DLG2: variants seen among roughly 807,000 people sequenced by gnomAD.
DLG2 encodes discs large MAGUK scaffold protein 2.
In DLG2, 45 loss-of-function variants were observed where a neutral mutation model predicts 132.5. That is an observed-to-expected ratio of 0.34 (90% CI 0.27 to 0.44). DLG2 has a LOEUF of 0.44. Ranked by LOEUF, DLG2 falls within the 20% of genes least tolerant of loss-of-function variation. The pLI, the probability that DLG2 is intolerant of heterozygous loss-of-function variation, is 1.00. For synonymous variants in DLG2, 424 were observed against 419.6 expected, an observed-to-expected ratio of 1.01 and a Z score of -0.13; for missense variants, 1,045 against 1,196.9, an observed-to-expected ratio of 0.87 and a Z score of 1.87.
chr11:84,727,688 C>A (rs573692831), intron 6 of DLG2, among the ~76,000 whole-genome samples: 3 of 152,162 alleles, frequency 2.0e-5, no homozygotes, highest in East Asian at 3.9e-4. Context: ...TTACTTTGGG[C>A]AGTATGGCCA....
At chr11:85,207,619 T>G (rs2081983615) in intron 4 of DLG2, among the ~76,000 whole-genome samples, 1 of 152,160 alleles carries the variant, frequency 6.6e-6, no homozygotes, top group Non-Finnish European at 1.5e-5. Context: ...AAATTTTATT[T>G]AAATGAGTCA....
intron 18 of DLG2, among the ~76,000 whole-genome samples, chr11:83,749,580 AG>A (rs1440665818): frequency 1.3e-5 from 2 of 152,012 alleles, no homozygotes; most frequent in Non-Finnish European, 2.9e-5. Flanking sequence ...GCCCCCACCC[AG>A]CAGCTGTATT....
At chr11:85,134,278 A>T (rs1178734634) in intron 5 of DLG2, among the ~76,000 whole-genome samples, 3 of 151,106 alleles carry the variant, frequency 2.0e-5, no homozygotes. Context: ...CATAAAAAGT[A>T]TACTTTCTTG....
intron 6 of DLG2, chr11:84,762,224 T>G (rs1445257478): frequency 1.3e-5 from 2 of 152,198 alleles, no homozygotes; most frequent in Non-Finnish European, 2.9e-5. Context: ...TTATTACACT[T>G]GCCAACTGTC....
At chr11:84,770,613 C>T (rs2069167546) in intron 6 of DLG2, among the ~76,000 whole-genome samples, 1 of 151,616 alleles carries the variant, frequency 6.6e-6, no homozygotes, top group Admixed American at 6.6e-5. Context: ...CCAACTGCAT[C>T]CACGTTGCTG....
chr11:83,562,506 A>C (rs2096629300), intron 19 of DLG2, among the ~76,000 whole-genome samples: 1 of 152,088 alleles, frequency 6.6e-6, no homozygotes, highest in Non-Finnish European at 1.5e-5. Flanking sequence ...TCTGGAAAGA[A>C]CTCTGAGATA....
chr11:83,835,886 A>G (rs1352886508), intron 16 of DLG2, among the ~76,000 whole-genome samples: 1 of 152,164 alleles, frequency 6.6e-6, no homozygotes, highest in Admixed American at 6.5e-5. Context: ...CTTCAGAGAA[A>G]GCCAACATGA....
At position 83,456,084 on chromosome 11, in the gene DLG2, C is replaced by G. The variant is rs1373452963; in HGVS notation, c.*3734G>C. On this transcript the variant is annotated 3_prime_UTR_variant, in exon 28 of 28. Transcript: ENST00000376104. ...GGGAAAAAAATGTCTCTCTCCAAAC[C>G]AAGGTGATGGCATGGCTTCAATGAG... 3 of 152,664 alleles carry G rather than the reference C, an allele frequency of 2.0e-5. No individual in the cohort carries two copies. Among genetic ancestry groups the G allele is most frequent in the African/African-American group, 7.2e-5 (3 of 41,444 alleles). The allele number at this position is 152,664 out of a possible 1,614,324, so 9.5% of individuals were successfully genotyped here.
At chr11:85,272,465 T>C (rs542424216) in intron 4 of DLG2, among the ~76,000 whole-genome samples, 1 of 152,282 alleles carries the variant, frequency 6.6e-6, no homozygotes, top group Admixed American at 6.5e-5. Context: ...CAGGCAGAAA[T>C]GGTGTGGCAG....
intron 6 of DLG2, among the ~76,000 whole-genome samples, chr11:84,553,526 T>A (rs1423893863): frequency 1.3e-5 from 2 of 152,176 alleles, no homozygotes; most frequent in African/African-American, 4.8e-5. Flanking sequence ...TTTGGCCGTA[T>A]AAAGGAGCAG....
chr11:83,746,475 G>A (rs1275258804), intron 18 of DLG2, among the ~76,000 whole-genome samples: 1 of 151,942 alleles, frequency 6.6e-6, no homozygotes, highest in Non-Finnish European at 1.5e-5. Flanking sequence ...ACCATTGCAA[G>A]GACAAAAAAC....
upstream of DLG2, among the ~76,000 whole-genome samples, chr11:85,628,243 G>A (rs1484026904): frequency 6.6e-6 from 1 of 152,226 alleles, no homozygotes; most frequent in Admixed American, 6.5e-5. Flanking sequence ...AAAGGGGCAG[G>A]CAGCTAGTTC....
chr11:83,815,774 G>T (rs1434503788), intron 17 of DLG2, among the ~76,000 whole-genome samples: 4 of 152,146 alleles, frequency 2.6e-5, no homozygotes, highest in African/African-American at 7.2e-5. Context: ...CTGCACACAG[G>T]CCTCATGGGG....
chr11:84,816,546 ATTTT>A (rs896048050), intron 6 of DLG2, among the ~76,000 whole-genome samples: 8 of 151,912 alleles, frequency 5.3e-5, no homozygotes, highest in African/African-American at 1.9e-4. Context: ...GGCAGCTACT[ATTTT>A]TGAGCATTTA....
At chr11:84,849,884 G>T (rs1181530956) in intron 6 of DLG2, among the ~76,000 whole-genome samples, 2 of 152,010 alleles carry the variant, frequency 1.3e-5, no homozygotes, top group African/African-American at 4.8e-5. Context: ...GCATGTAGTT[G>T]GCAGTAACAT....
At chr11:85,054,737 T>G (rs1314370568) in intron 6 of DLG2, among the ~76,000 whole-genome samples, 1 of 152,188 alleles carries the variant, frequency 6.6e-6, no homozygotes, top group Non-Finnish European at 1.5e-5. Flanking sequence ...CTAGAGACCA[T>G]TATCCTAAGT....
At chr11:84,288,680 C>T (rs372287091) in intron 7 of DLG2, among the ~76,000 whole-genome samples, 1 of 151,952 alleles carries the variant, frequency 6.6e-6, no homozygotes, top group Non-Finnish European at 1.5e-5. Context: ...ACAGAAAAAC[C>T]CCTAAATGAA....
At chr11:83,594,609 A>G (rs888182171) in intron 19 of DLG2, among the ~76,000 whole-genome samples, 10 of 152,180 alleles carry the variant, frequency 6.6e-5, no homozygotes, top group Non-Finnish European at 1.5e-5. Context: ...ACTATCTAAG[A>G]ATAGAGGTTG....
At chr11:85,468,851 T>A (rs868812210) in intron 3 of DLG2, among the ~76,000 whole-genome samples, 1 of 152,002 alleles carries the variant, frequency 6.6e-6, no homozygotes, top group South Asian at 2.1e-4. Flanking sequence ...AGAGATGGAG[T>A]CTCACCACAT....
Sources: gnomAD v4.1 joint callset for allele counts (sites outside exome capture counted in the v4.1 genomes callset) on GRCh38, gnomAD v4.1.1 for gene constraint, MANE v1.5 for transcripts, NCBI Gene and HGNC (gene_info 2026-07-23, HGNC 2026-07-21) for gene names.